The following CNIH3 variants were observed in gnomAD, a reference collection of about 807,000 sequenced individuals.
The protein encoded by CNIH3 is cornichon family AMPA receptor auxiliary protein 3.
Under a neutral mutation model 24.1 loss-of-function variants are expected in CNIH3, and 14 were observed. The ratio of observed to expected loss-of-function variants is 0.58; its 90% confidence interval spans 0.38 to 0.91. The LOEUF is 0.91. CNIH3 is among the 40% of genes least tolerant of loss of function. The pLI is 0.00. For missense variants in CNIH3, 178 were observed against 196.8 expected (o/e 0.90, Z 0.57); for synonymous variants, 68 against 73.8 (o/e 0.92, Z 0.40).
intron 4 of CNIH3, among the ~76,000 whole-genome samples, chr1:224,580,805 C>G (rs1433716391): frequency 1.7e-5 from 2 of 117,662 alleles, no homozygotes; most frequent in Non-Finnish European, 3.8e-5. Flanking sequence ...GACTCTGTCT[C>G]AAAAAAAAAA....
At chr1:224,556,351 A>G (rs550061037) in intron 3 of CNIH3, among the ~76,000 whole-genome samples, 1 of 152,138 alleles carries the variant, frequency 6.6e-6, no homozygotes, top group South Asian at 2.1e-4. Context: ...CTAAGCCTCC[A>G]TTTCTGGTTA....
intron 4 of CNIH3, among the ~76,000 whole-genome samples, chr1:224,581,539 C>T (rs1681273497): frequency 6.6e-6 from 1 of 152,104 alleles, no homozygotes; most frequent in African/African-American, 2.4e-5. Flanking sequence ...TTTCTCCTTG[C>T]TCTTGAGAAT....
chr1:224,526,235 A>G (rs970521326), intron 2 of CNIH3, among the ~76,000 whole-genome samples: 1 of 152,182 alleles, frequency 6.6e-6, no homozygotes, highest in African/African-American at 2.4e-5. Context: ...TAGGGTCTGA[A>G]TGTTGGTGTC....
chr1:224,694,983 A>G (rs1179359515), intron 3 of CNIH3, among the ~76,000 whole-genome samples: 2 of 152,256 alleles, frequency 1.3e-5, no homozygotes, highest in East Asian at 1.9e-4. Context: ...CGTTGGGTAC[A>G]GTGTACACTG....
intron 2 of CNIH3, among the ~76,000 whole-genome samples, chr1:224,530,272 G>A (rs1042885029): frequency 6.6e-6 from 1 of 152,192 alleles, no homozygotes; most frequent in Non-Finnish European, 1.5e-5. Flanking sequence ...CAGTTTCCAT[G>A]TGCCTCCATT....
chr1:224,714,163 A>G (rs996186048), intron 3 of CNIH3, among the ~76,000 whole-genome samples: 3 of 152,236 alleles, frequency 2.0e-5, no homozygotes, highest in Non-Finnish European at 4.4e-5. Context: ...AATATTGGCT[A>G]TCTTTTAAGC....
Position 224,716,525 on chromosome 1 carries a change from C to T in CNIH3, c.199-13937C>T, listed in dbSNP as rs114408287. Among the ~76,000 whole-genome samples, 306 of 152,144 alleles carry T rather than the reference C, an allele frequency of 2.0e-3. 1 individual carries two copies. The highest frequency in any genetic ancestry group is 6.9e-3 in the African/African-American group (285 of 41,476). ...TCTGTTACTTGCTGTGTCACTTGCT[C>T]CAAGAATGGGGGTTTTGGGGGCTGA... On this transcript the variant is annotated intron_variant, in intron 3 of 5. Transcript: ENST00000272133.
chr1:224,588,968 G>GTT (rs974335950), downstream of CNIH3, among the ~76,000 whole-genome samples: 9 of 112,318 alleles, frequency 8.0e-5, no homozygotes, highest in Non-Finnish European at 1.4e-4. Flanking sequence ...CTGACCCCCT[G>GTT]TTTTTTTTTT....
At chr1:224,695,148 G>T (rs10915698) in intron 3 of CNIH3, among the ~76,000 whole-genome samples, 61,194 of 152,006 alleles carry the variant, frequency 0.4, 14,442 homozygotes, top group Non-Finnish European at 0.54. Flanking sequence ...CTGTGGGTGG[G>T]CCTCACTCAA....
chr1:224,649,370 T>G (rs1344932835), intron 1 of CNIH3, among the ~76,000 whole-genome samples: 10 of 152,204 alleles, frequency 6.6e-5, no homozygotes, highest in Admixed American at 2.0e-4. Flanking sequence ...AAGTAAGCCC[T>G]GCTGACACCT....
At chr1:224,516,306 C>T (rs1678377732) in intron 1 of CNIH3, among the ~76,000 whole-genome samples, 1 of 115,528 alleles carries the variant, frequency 8.7e-6, no homozygotes, top group South Asian at 3.0e-4. Context: ...AACCGAGACT[C>T]TGTCTCAAAA....
At chr1:224,732,750 T>C (rs1689402876) in intron 4 of CNIH3, among the ~76,000 whole-genome samples, 1 of 152,132 alleles carries the variant, frequency 6.6e-6, no homozygotes, top group Non-Finnish European at 1.5e-5. Flanking sequence ...AGGGCACTGC[T>C]TCGTGGGGCT....
chr1:224,473,877 G>A (rs1288315699), intron 1 of CNIH3, among the ~76,000 whole-genome samples: 1 of 152,114 alleles, frequency 6.6e-6, no homozygotes, highest in Non-Finnish European at 1.5e-5. Context: ...TCATTCACAA[G>A]GAAAGACCCT....
chr1:224,717,071 C>G (rs780247036), intron 3 of CNIH3, among the ~76,000 whole-genome samples: 9 of 152,150 alleles, frequency 5.9e-5, no homozygotes, highest in Non-Finnish European at 1.2e-4. Context: ...CCTTGCACCA[C>G]GACAGTGGGG....
intron 1 of CNIH3, among the ~76,000 whole-genome samples, chr1:224,493,423 T>TG (rs1425284407): frequency 1.3e-5 from 2 of 152,032 alleles, no homozygotes; most frequent in Non-Finnish European, 2.9e-5. Flanking sequence ...GTTTTGGGAG[T>TG]GGGGTAGGGA....
At chr1:224,596,128 G>A (rs1423252298) in intron 3 of CNIH3, among the ~76,000 whole-genome samples, 2 of 152,330 alleles carry the variant, frequency 1.3e-5, no homozygotes, top group East Asian at 3.9e-4. Context: ...TGCCATCTAG[G>A]CATCTTTCAT....
chr1:224,546,607 G>A (rs770648314), intron 2 of CNIH3, among the ~76,000 whole-genome samples: 1 of 152,296 alleles, frequency 6.6e-6, no homozygotes, highest in East Asian at 1.9e-4. Flanking sequence ...TTCTGACCCA[G>A]TGTGTGTCAC....
chr1:224,573,522 A>G (rs1427861522), intron 4 of CNIH3, among the ~76,000 whole-genome samples: 1 of 152,236 alleles, frequency 6.6e-6, no homozygotes, highest in Non-Finnish European at 1.5e-5. Flanking sequence ...GCTTATCAAT[A>G]GGAGGGAGTC....
chr1:224,457,594 G>A (rs1199046443), intron 1 of CNIH3, among the ~76,000 whole-genome samples: 1 of 150,418 alleles, frequency 6.6e-6, no homozygotes, highest in Non-Finnish European at 1.5e-5. Context: ...TGGGCCAAAG[G>A]GCCAAGGAAT....
Sources: gnomAD v4.1 joint callset for allele counts (sites outside exome capture counted in the v4.1 genomes callset) on GRCh38, gnomAD v4.1.1 for gene constraint, MANE v1.5 for transcripts, NCBI Gene and HGNC (gene_info 2026-07-23, HGNC 2026-07-21) for gene names.